DLEU7: variants seen among roughly 807,000 people sequenced by gnomAD.
The protein encoded by DLEU7 is deleted in lymphocytic leukemia 7.
DLEU7 carries 17 observed loss-of-function variants against 16.0 expected under a neutral mutation model. The observed-to-expected ratio is 1.06, with a 90% CI of 0.73 to 1.59. The LOEUF is 1.59. Among genes scored for constraint, DLEU7 ranks in the 40% most tolerant of loss-of-function variants. The pLI is 0.00. For missense variants in DLEU7, 308 were observed against 314.9 expected, an observed-to-expected ratio of 0.98 and a Z score of 0.17; for synonymous variants, 113 against 139.8, an observed-to-expected ratio of 0.81 and a Z score of 1.35.
chr13:50,812,101 A>T (rs990263158), intron 1 of DLEU7, among the ~76,000 whole-genome samples: 178 of 151,318 alleles, frequency 1.2e-3, no homozygotes, highest in Non-Finnish European at 2.2e-3. Context: ...CTGTAAGATG[A>T]AGAAAGTTGG....
exon 2 of DLEU7, chr13:50,713,008 TG>T: frequency 1.8e-6 from 1 of 559,728 alleles, no homozygotes; most frequent in East Asian, 2.9e-5. Context: ...CAGGATGATT[TG>T]TGGCGCGTTC....
chr13:50,723,864 C>T (rs1007551220), intron 1 of DLEU7, among the ~76,000 whole-genome samples: 4 of 150,982 alleles, frequency 2.6e-5, no homozygotes, highest in African/African-American at 7.3e-5. Context: ...TACACACACA[C>T]ATATATATAT....
chr13:50,794,104 G>A (rs192964485), intron 1 of DLEU7, among the ~76,000 whole-genome samples: 47 of 150,376 alleles, frequency 3.1e-4, no homozygotes, highest in African/African-American at 1.0e-3. Flanking sequence ...CAACTTGTAA[G>A]TATTTGAAAT....
At chr13:50,840,092 G>A (rs1282128753) in intron 1 of DLEU7, 1 of 152,126 alleles carries the variant, frequency 6.6e-6, no homozygotes, top group African/African-American at 2.4e-5. Context: ...CCTACCTTCC[G>A]TGGTAAGTAA....
chr13:50,774,042 C>G (rs1474053509), intron 1 of DLEU7, among the ~76,000 whole-genome samples: 1 of 152,160 alleles, frequency 6.6e-6, no homozygotes, highest in African/African-American at 2.4e-5. Flanking sequence ...TAGCAGTGAG[C>G]AAGGCTCTGT....
intron 1 of DLEU7, chr13:50,813,021 T>A (rs1876615419): frequency 6.6e-6 from 1 of 152,154 alleles, no homozygotes; most frequent in South Asian, 2.1e-4. Context: ...ACGTGATCCC[T>A]TATTCAGATA....
At chr13:50,723,085 A>G (rs1350762946) in intron 1 of DLEU7, 2 of 152,228 alleles carry the variant, frequency 1.3e-5, no homozygotes, top group East Asian at 1.9e-4. Context: ...TCAGTGCAAT[A>G]AAGGTTTCAT....
chr13:50,711,213 T>A (rs1479720912), downstream of DLEU7: 1 of 152,198 alleles, frequency 6.6e-6, no homozygotes, highest in Admixed American at 6.5e-5. Context: ...TGTGAACATT[T>A]AAGCAAAAAC....
At chr13:50,811,803 T>C (rs9535494) in intron 1 of DLEU7, among the ~76,000 whole-genome samples, 75,341 of 151,972 alleles carry the variant, frequency 0.5, 19,126 homozygotes, top group Non-Finnish European at 0.57. Flanking sequence ...GCATGGTGGC[T>C]CATGCCTGTA....
intron 1 of DLEU7, among the ~76,000 whole-genome samples, chr13:50,800,152 T>C (rs1280955486): frequency 6.6e-6 from 1 of 151,618 alleles, no homozygotes; most frequent in East Asian, 1.9e-4. Flanking sequence ...AAGAAAGGAG[T>C]GTGACAAATA....
intron 1 of DLEU7, among the ~76,000 whole-genome samples, chr13:50,811,795 A>G (rs1876576246): frequency 6.6e-6 from 1 of 152,150 alleles, no homozygotes; most frequent in African/African-American, 2.4e-5. Flanking sequence ...ATGTCTGGGC[A>G]TGGTGGCTCA....
At position 50,726,718 on chromosome 13, in the gene DLEU7, G is replaced by A. The variant is rs2137712294; in HGVS notation, c.460-13478C>T. 6.6e-6 allele frequency among the ~76,000 whole-genome samples: 1 copy of A among 152,200 alleles called. No homozygotes were observed. Among genetic ancestry groups the A allele is most frequent in the Non-Finnish European group, 1.5e-5 (1 of 68,002 alleles). Reference sequence around the variant, plus strand: ...AGGCATGGGTGCACCTCGGGGGTGGGCTGAGCACCTATGAGTCTAGGTGGC... The same window carrying A: ...AGGCATGGGTGCACCTCGGGGGTGGACTGAGCACCTATGAGTCTAGGTGGC... On this transcript the variant is annotated intron_variant, in intron 1 of 1. Coordinates refer to the DLEU7 transcript ENST00000400393. The surrounding 1 kb of genome is among the most constrained non-coding windows in gnomAD (Gnocchi z 4.0).
Position 50,823,062 on chromosome 13 carries a change from T to C in DLEU7, c.*252A>G, listed in dbSNP as rs1023077244. ...ATCAAATCAGCTTCACAAAGTAGAA[T>C]GTATTTCAATCAGAAAGTCAGCAAA... is the stretch of plus-strand genomic sequence containing the variant. On this transcript the variant is annotated 3_prime_UTR_variant, in exon 2 of 2. Coordinates refer to ENST00000504404, the MANE Select transcript of DLEU7 (RefSeq NM_001306135.2). 1.6e-6 allele frequency: 2 copies of C among 1,218,078 alleles called. No individual in the cohort carries two copies. Among genetic ancestry groups the C allele is most frequent in the East Asian group, 3.6e-5 (1 of 27,856 alleles). 75.5% of individuals were successfully genotyped at this position (1,218,078 alleles called of 1,614,324 possible).
At chr13:50,788,773 G>A (rs939748574) in intron 1 of DLEU7, among the ~76,000 whole-genome samples, 2 of 152,184 alleles carry the variant, frequency 1.3e-5, no homozygotes, top group Non-Finnish European at 2.9e-5. Flanking sequence ...GAGATGCTAG[G>A]TTAAGACTTC....
At position 50,823,383 on chromosome 13, in the gene DLEU7, A is replaced by C. The variant is rs1267152045; in HGVS notation, c.597T>G (p.Phe199Leu). The C allele has an allele frequency of 2.0e-6, 3 of 1,535,910 alleles. No individual in the cohort carries two copies. The Admixed American group carries it at 5.9e-5, about 30-fold the overall frequency. Residue 199 changes from phenylalanine to leucine, a missense_variant, in exon 2 of 2, where the codon TTT becomes TTG. Transcript: ENST00000504404. ...VKKLIQSLAN[F>L]PSDAHMVACA... is the part of the protein sequence containing the mutation. ...AGGCTACCATGTGGGCATCTGAAGG[A>C]AAATTAGCAAGTGACTGAATCAGCT...
chr13:50,817,860 A>G (rs595035), intron 1 of DLEU7, among the ~76,000 whole-genome samples: 127,832 of 151,968 alleles, frequency 0.84, 54,044 homozygotes, highest in African/African-American at 0.93. Flanking sequence ...GGGAGCTCTT[A>G]GAGCTCCCAG....
At chr13:50,795,257 G>A (rs116754965) in intron 1 of DLEU7, among the ~76,000 whole-genome samples, 40 of 152,292 alleles carry the variant, frequency 2.6e-4, no homozygotes, top group African/African-American at 9.4e-4. Flanking sequence ...ATCCTCTTGG[G>A]CTCCAGTGGC....
intron 1 of DLEU7, among the ~76,000 whole-genome samples, chr13:50,716,230 T>A (rs902939604): frequency 6.6e-6 from 1 of 152,214 alleles, no homozygotes; most frequent in Admixed American, 6.5e-5. Context: ...TCTAGCAATG[T>A]GTAGGTTCTG....
intron 1 of DLEU7, among the ~76,000 whole-genome samples, chr13:50,778,204 G>GGA (rs1225299328): frequency 1.3e-5 from 2 of 152,078 alleles, no homozygotes; most frequent in Non-Finnish European, 2.9e-5. Context: ...TGGTAGCAGG[G>GGA]GAGAGAGAGA....
Sources: gnomAD v4.1 joint callset for allele counts (sites outside exome capture counted in the v4.1 genomes callset) on GRCh38, gnomAD v4.1.1 for gene constraint, Gnocchi (gnomAD v3.1) non-coding constraint, MANE v1.5 for transcripts, NCBI Gene and HGNC (gene_info 2026-07-23, HGNC 2026-07-21) for gene names.